DNAJC7: variants seen among roughly 807,000 people sequenced by gnomAD.
DNAJC7 encodes dnaJ homolog subfamily C member 7.
A neutral mutation model predicts 67.4 loss-of-function variants in DNAJC7; 18 were observed. The observed-to-expected ratio is 0.27, with a 90% CI of 0.18 to 0.40. The LOEUF is 0.40. Among genes scored for constraint, DNAJC7 ranks in the 10% least tolerant of loss-of-function variants. DNAJC7 has a pLI of 1.00. For synonymous variants in DNAJC7, 220 were observed against 207.8 expected, an observed-to-expected ratio of 1.06 and a Z score of -0.50; for missense variants, 419 against 613.8, an observed-to-expected ratio of 0.68 and a Z score of 3.35.
chr17:41,988,760 T>G lies in DNAJC7; in HGVS notation c.890A>C (p.Tyr297Ser). The G allele has an allele frequency of 6.2e-7, 1 of 1,610,812 alleles. No homozygotes were observed. The highest frequency in any genetic ancestry group is 8.5e-7 in the Non-Finnish European group (1 of 1,178,912). ...PNNIKTNAKLYCNRGTVNSKL... is the reference protein window; with the variant it reads ...PNNIKTNAKLSCNRGTVNSKL... The stretch of plus-strand genomic sequence containing the variant: ...GGAATTAACCGTACCCCGATTACAG[T>G]AGAGTTTAGCATTTGTTTTTATATT... Residue 297 changes from tyrosine (Y) to serine (S), a missense_variant, in exon 8 of 14, where the codon TAC becomes TCC. Around this residue, in one of 4 missense-constraint regions of DNAJC7, gnomAD observed 161 missense variants for 252.2 expected, o/e 0.64. Transcript: ENST00000457167.
At chr17:41,996,966 TA>T in intron 3 of DNAJC7, 148 bp downstream of exon 3, 1 of 1,274,932 alleles carries the variant, frequency 7.8e-7, no homozygotes, top group Non-Finnish European at 1.1e-6. Context: ...GAGATGCTGC[TA>T]AACAACCCAC....
intron 2 of DNAJC7, among the ~76,000 whole-genome samples, chr17:41,999,352 C>T (rs1412266643): frequency 2.0e-5 from 3 of 152,010 alleles, no homozygotes; most frequent in African/African-American, 7.3e-5. Context: ...GAACTCCTGA[C>T]CTCAGGTGAT....
chr17:41,997,093 A>G (rs2051681081), intron 3 of DNAJC7, 22 bp downstream of exon 3: 1 of 1,613,478 alleles, frequency 6.2e-7, no homozygotes, highest in Non-Finnish European at 8.5e-7. Flanking sequence ...GCCTTCCCCA[A>G]ACAGCCCCAT....
At chr17:42,006,816 A>AAAAAAAAAC (rs2051975032) in intron 1 of DNAJC7, among the ~76,000 whole-genome samples, 1 of 122,600 alleles carries the variant, frequency 8.2e-6, no homozygotes, top group Non-Finnish European at 1.7e-5. Context: ...AAAAAAAAAA[A>AAAAAAAAAC]AAGTCCAGGC....
intron 5 of DNAJC7, among the ~76,000 whole-genome samples, chr17:41,990,837 T>G (rs1555647676): frequency 6.6e-6 from 1 of 151,848 alleles, no homozygotes; most frequent in African/African-American, 2.4e-5. Flanking sequence ...CAAGCTAATT[T>G]TTTTTTGTAT....
Position 41,982,196 on chromosome 17 carries a change from G to A in DNAJC7, c.1231+59C>T, listed in dbSNP as rs1223940839. 8 of 1,605,474 alleles carry A rather than the reference G, an allele frequency of 5.0e-6. No individual in the cohort carries two copies. In the African/African-American group the frequency reaches 1.1e-4, roughly 21 times the overall value. ...AAGGGGTCCCCTCTGGACTGAGTGT[G>A]GCAGTTGGCCTGCCCTGCGGGTTCT... On this transcript the variant is annotated intron_variant, in intron 11 of 13. Coordinates refer to ENST00000457167, the MANE Select transcript of DNAJC7 (RefSeq NM_003315.4).
chr17:41,980,663 G>A (rs1285177636), intron 12 of DNAJC7, among the ~76,000 whole-genome samples: 1 of 152,156 alleles, frequency 6.6e-6, no homozygotes, highest in African/African-American at 2.4e-5. Context: ...TTCCCAAAGT[G>A]CTGGGATTAC....
chr17:42,008,953 G>T (rs1043223714), intron 1 of DNAJC7, among the ~76,000 whole-genome samples: 4 of 152,098 alleles, frequency 2.6e-5, no homozygotes, highest in African/African-American at 7.2e-5. Flanking sequence ...CAAGTGATCC[G>T]CCAATCTCTG....
In DNAJC7 at chr17:41,989,457, C is replaced by T. The variant is rs201946741; in HGVS notation, c.700G>A (p.Val234Ile). The T allele has an allele frequency of 9.5e-5, 153 of 1,613,990 alleles. No homozygotes were observed. Among genetic ancestry groups the T allele is most frequent in the Non-Finnish European group, 1.2e-4 (139 of 1,179,890 alleles). Residue 234 changes from valine to isoleucine, a missense_variant, in exon 7 of 14, where the codon GTA becomes ATA. Transcript: ENST00000457167. ...TCAGGAGCCATCCTGAGAGCCTGTA[C>T]GAAAAACTGAACTGCCTTCTCAATA... ...DCIEKAVQFF[V>I]QALRMAPDHE... is the part of the protein sequence containing the mutation.
chr17:42,004,932 G>A (rs1196298299), intron 1 of DNAJC7, among the ~76,000 whole-genome samples: 2 of 152,142 alleles, frequency 1.3e-5, no homozygotes, highest in African/African-American at 4.8e-5. Context: ...GGCTAAGATG[G>A]GAGGATCACT....
At chr17:41,995,046 T>C (rs2051619375) in intron 4 of DNAJC7, 102 bp from the exon 5 acceptor site, 12 of 940,598 alleles carry the variant, frequency 1.3e-5, no homozygotes, top group African/African-American at 4.8e-5. Flanking sequence ...TCAGTAAATA[T>C]ACCACACTGC....
At chr17:41,980,636 G>A (rs2051224943) in intron 12 of DNAJC7, among the ~76,000 whole-genome samples, 1 of 151,972 alleles carries the variant, frequency 6.6e-6, no homozygotes. Flanking sequence ...GAGCTCAGGT[G>A]ATCTGCCCGC....
intron 1 of DNAJC7, among the ~76,000 whole-genome samples, chr17:42,007,923 G>T (rs1489483066): frequency 7.6e-6 from 1 of 131,114 alleles, no homozygotes; most frequent in Non-Finnish European, 1.5e-5. Flanking sequence ...TCAGCTCACC[G>T]CAACCTCCGC....
chr17:41,997,432 C>CAA (rs550691498), intron 2 of DNAJC7, among the ~76,000 whole-genome samples, 193 bp from the exon 3 acceptor site: 9 of 118,354 alleles, frequency 7.6e-5, no homozygotes, highest in Non-Finnish European at 1.3e-4. Context: ...TACTAAAATA[C>CAA]AAAAAAAAAA....
intron 1 of DNAJC7, among the ~76,000 whole-genome samples, chr17:42,007,189 C>T (rs1555650477): frequency 6.6e-6 from 1 of 152,072 alleles, no homozygotes; most frequent in African/African-American, 2.4e-5. Context: ...AGTCAATATC[C>T]CTTATGCATT....
At chr17:41,986,692 G>A (rs2051391378) in intron 9 of DNAJC7, among the ~76,000 whole-genome samples, 1 of 152,056 alleles carries the variant, frequency 6.6e-6, no homozygotes, top group Non-Finnish European at 1.5e-5. Context: ...TGCAAAGATG[G>A]AATGACTGAC....
At chr17:41,997,330 C>T in intron 2 of DNAJC7, 91 bp from the exon 3 acceptor site, 2 of 1,485,926 alleles carry the variant, frequency 1.3e-6, no homozygotes, top group Non-Finnish European at 1.8e-6. Flanking sequence ...GGCTCATGCC[C>T]ATAATCCCAG....
intron 1 of DNAJC7, chr17:42,001,154 C>T (rs567268828): frequency 5.9e-5 from 9 of 152,550 alleles, no homozygotes; most frequent in East Asian, 5.8e-4. Context: ...AGCTGAGTGA[C>T]AGCAGAGACT....
chr17:41,980,922 C>T (rs1555645886), intron 12 of DNAJC7, among the ~76,000 whole-genome samples: 1 of 152,178 alleles, frequency 6.6e-6, no homozygotes, highest in African/African-American at 2.4e-5. Flanking sequence ...CCCTTATGGC[C>T]TGTGAGCTCT....
Sources: allele counts gnomAD v4.1 joint callset (sites outside exome capture counted in the v4.1 genomes callset), GRCh38; gene constraint gnomAD v4.1.1; regional missense constraint gnomAD v4.1.1; transcripts MANE v1.5; gene names NCBI Gene and HGNC (gene_info 2026-07-23, HGNC 2026-07-21).